Variants in NTM observed in about 807,000 individuals in gnomAD.
NTM encodes neurotrimin, also known as IgLON family member 2.
Under a neutral mutation model 42.1 loss-of-function variants are expected in NTM, and 13 were observed. That is an observed-to-expected ratio of 0.31 (90% CI 0.20 to 0.49). The LOEUF is 0.49. Among genes scored for constraint, NTM ranks in the 20% least tolerant of loss-of-function variants. The pLI, the probability that NTM is intolerant of heterozygous loss-of-function variation, is 0.99. For missense variants in NTM, 373 were observed against 452.8 expected, an observed-to-expected ratio of 0.82 and a Z score of 1.60; for synonymous variants, 187 against 179.2, an observed-to-expected ratio of 1.04 and a Z score of -0.35.
chr11:132,333,123 G>A (rs767477684), intron 8 of NTM, among the ~76,000 whole-genome samples: 1 of 152,120 alleles, frequency 6.6e-6, no homozygotes, highest in Non-Finnish European at 1.5e-5. Context: ...GAATTGTACG[G>A]TGTGATTCAC....
intron 1 of NTM, among the ~76,000 whole-genome samples, chr11:131,384,162 T>C (rs1943030470): frequency 6.6e-6 from 1 of 152,038 alleles, no homozygotes; most frequent in Non-Finnish European, 1.5e-5. Flanking sequence ...AAACTCTGGG[T>C]ATGAAAAAAG....
rs2054415732 is a variant in NTM, at chr11:131,549,780, G to A, written c.82+178892G>A. Among the ~76,000 whole-genome samples, 3 of 152,190 alleles carry A rather than the reference G, an allele frequency of 2.0e-5. No homozygotes were observed. In the South Asian group the frequency reaches 6.2e-4, roughly 32 times the overall value. On this transcript the variant is annotated intron_variant, in intron 1 of 8. Coordinates refer to ENST00000683400, the MANE Select transcript of NTM (RefSeq NM_001352005.2). ...AGCCTTTAAAAGATCTTCATTAGTGGAGAGGCTGGGGAAAAAATAAAATAT... is the reference window on the plus strand; with the variant it reads ...AGCCTTTAAAAGATCTTCATTAGTGAAGAGGCTGGGGAAAAAATAAAATAT...
intron 8 of NTM, among the ~76,000 whole-genome samples, chr11:132,334,815 G>A (rs369513199): frequency 6.6e-6 from 1 of 151,632 alleles, no homozygotes; most frequent in East Asian, 1.9e-4. Flanking sequence ...ACTTTAACCT[G>A]AGCCTCATGT....
intron 2 of NTM, among the ~76,000 whole-genome samples, chr11:131,957,985 G>A (rs1593180823): frequency 1.3e-5 from 2 of 152,250 alleles, no homozygotes; most frequent in Admixed American, 1.3e-4. Flanking sequence ...AGAAGCCGCA[G>A]GCTTCATGGT....
At chr11:131,381,648 C>T (rs186755784) in intron 1 of NTM, among the ~76,000 whole-genome samples, 32 of 152,088 alleles carry the variant, frequency 2.1e-4, no homozygotes, top group Admixed American at 9.2e-4. Context: ...TGTGAGATAC[C>T]GTGGCATTTC....
At chr11:132,150,139 G>A (rs1168186344) in intron 3 of NTM, among the ~76,000 whole-genome samples, 1 of 152,194 alleles carries the variant, frequency 6.6e-6, no homozygotes, top group Non-Finnish European at 1.5e-5. Context: ...AGGGGACCCA[G>A]TATATGCAGA....
At chr11:131,892,184 C>T (rs1375563538) in intron 1 of NTM, among the ~76,000 whole-genome samples, 1 of 152,138 alleles carries the variant, frequency 6.6e-6, no homozygotes, top group African/African-American at 2.4e-5. Flanking sequence ...CCTCCGCCTT[C>T]TTCTTCTTCC....
chr11:131,672,205 C>A (rs936058272), intron 1 of NTM, among the ~76,000 whole-genome samples: 1 of 152,226 alleles, frequency 6.6e-6, no homozygotes, highest in African/African-American at 2.4e-5. Flanking sequence ...AGGAGCAGAG[C>A]AGCAAGGGGA....
intron 1 of NTM, among the ~76,000 whole-genome samples, chr11:131,598,856 C>T (rs1443874717): frequency 2.4e-4 from 9 of 38,272 alleles, no homozygotes; most frequent in African/African-American, 4.2e-4. Context: ...TTTCTTCCTT[C>T]CTTCCTTCCT....
intron 3 of NTM, among the ~76,000 whole-genome samples, chr11:132,204,554 TAGAC>T (rs1480932966): frequency 1.3e-5 from 2 of 152,042 alleles, no homozygotes; most frequent in East Asian, 1.9e-4. Context: ...TTGAAATAAT[TAGAC>T]AGAACCAATG....
At chr11:132,041,286 A>G (rs1296054598) in intron 2 of NTM, among the ~76,000 whole-genome samples, 1 of 151,588 alleles carries the variant, frequency 6.6e-6, no homozygotes, top group Non-Finnish European at 1.5e-5. Flanking sequence ...TTTTGGGGAT[A>G]TCATTTTTGT....
intron 1 of NTM, among the ~76,000 whole-genome samples, chr11:131,405,881 C>T (rs528640053): frequency 6.6e-6 from 1 of 152,284 alleles, no homozygotes; most frequent in East Asian, 1.9e-4. Flanking sequence ...GGTCTTACTT[C>T]AGGGACTGCA....
chr11:131,644,453 C>T (rs1034063643), intron 1 of NTM, among the ~76,000 whole-genome samples: 5 of 152,114 alleles, frequency 3.3e-5, no homozygotes, highest in African/African-American at 1.2e-4. Context: ...CCCATCAGTC[C>T]AGTCTCATGG....
chr11:132,294,754 C>A (rs1324391667), intron 4 of NTM, among the ~76,000 whole-genome samples: 1 of 152,066 alleles, frequency 6.6e-6, no homozygotes, highest in African/African-American at 2.4e-5. Flanking sequence ...CTTGCCTGTC[C>A]CAGGAAGGTA....
chr11:131,652,555 C>T (rs564026841), intron 1 of NTM, among the ~76,000 whole-genome samples: 2 of 152,318 alleles, frequency 1.3e-5, no homozygotes, highest in African/African-American at 4.8e-5. Flanking sequence ...GTTTGCTGCT[C>T]AGCACTGTTG....
chr11:131,433,431 T>C (rs1948853060), intron 1 of NTM, among the ~76,000 whole-genome samples: 1 of 152,182 alleles, frequency 6.6e-6, no homozygotes. Context: ...CAGGCCTCTC[T>C]CCTATTTTGG....
chr11:131,562,555 C>T (rs1441476826), intron 1 of NTM, among the ~76,000 whole-genome samples: 1 of 152,098 alleles, frequency 6.6e-6, no homozygotes, highest in Non-Finnish European at 1.5e-5. Flanking sequence ...CGGCAGAGAC[C>T]ATGGCATGTC....
At chr11:131,639,770 ACATGGTGAAACCC>A (rs1227939058) in intron 1 of NTM, among the ~76,000 whole-genome samples, 2 of 152,082 alleles carry the variant, frequency 1.3e-5, no homozygotes, top group African/African-American at 4.8e-5. Context: ...AGCCTGGCCA[ACATGGTGAAACCC>A]CATCTTTACT....
chr11:131,666,007 A>C (rs956601302), intron 1 of NTM, among the ~76,000 whole-genome samples: 17 of 152,264 alleles, frequency 1.1e-4, no homozygotes, highest in African/African-American at 4.1e-4. Context: ...TGGTCATAGG[A>C]ATAAAAATAC....
Sources: allele counts gnomAD v4.1 joint callset (sites outside exome capture counted in the v4.1 genomes callset), GRCh38; gene constraint gnomAD v4.1.1; transcripts MANE v1.5; gene names NCBI Gene and HGNC (gene_info 2026-07-23, HGNC 2026-07-21).